Variants in KIAA0319L observed in about 807,000 individuals in gnomAD.
KIAA0319L encodes the protein dyslexia-associated protein KIAA0319-like protein.
A neutral mutation model predicts 120.1 loss-of-function variants in KIAA0319L; 55 were observed. The ratio of observed to expected loss-of-function variants is 0.46; its 90% CI spans 0.37 to 0.57. The LOEUF (loss-of-function observed/expected upper bound fraction) is 0.57. Ranked by LOEUF, KIAA0319L falls within the 20% of genes least tolerant of loss-of-function variation. KIAA0319L has a pLI of 0.00. For synonymous variants in KIAA0319L, 398 were observed against 471.9 expected, an observed-to-expected ratio of 0.84 and a Z score of 2.03; for missense variants, 1,049 against 1,255.3, an observed-to-expected ratio of 0.84 and a Z score of 2.48.
intron 3 of KIAA0319L, among the ~76,000 whole-genome samples, chr1:35,481,895 G>A (rs888438632): frequency 7.2e-6 from 1 of 139,162 alleles, no homozygotes; most frequent in Admixed American, 8.0e-5. Flanking sequence ...CGCGATCTCG[G>A]CTCACTGCAA....
intron 3 of KIAA0319L, among the ~76,000 whole-genome samples, chr1:35,496,634 T>G (rs984168091): frequency 1.3e-5 from 2 of 152,056 alleles, no homozygotes. Flanking sequence ...GAATACTACT[T>G]AGGAATTTTC....
chr1:35,442,427 C>T, intron 18 of KIAA0319L, 91 bp from the exon 19 acceptor site: 1 of 944,986 alleles, frequency 1.1e-6, no homozygotes. Flanking sequence ...TGTGGCTTCA[C>T]TCTGGAGACA....
Position 35,474,877 on chromosome 1 carries a change from C to A in KIAA0319L, c.943G>T (p.Glu315Ter). 1 of 1,608,328 alleles carries A rather than the reference C, an allele frequency of 6.2e-7. No individual in the cohort carries two copies. Among genetic ancestry groups the A allele is most frequent in the Non-Finnish European group, 8.5e-7 (1 of 1,175,326 alleles). Residue 315 changes from glutamate to a stop codon, truncating the protein, a stop_gained, in exon 5 of 21, where the codon GAG (glutamate) becomes TAG (stop). Transcript: ENST00000325722. LOFTEE classifies it high-confidence loss of function. The part of the protein sequence containing the change: ...VIKELVVSAG[E>*]SVQITLPKNE... ...TTAGGCAGGGTTATCTGGACACTCT[C>A]TCCAGCAGATACCACCAGTTCCTTT...
At chr1:35,546,274 G>A (rs560063106) in intron 2 of KIAA0319L, among the ~76,000 whole-genome samples, 7 of 152,352 alleles carry the variant, frequency 4.6e-5, no homozygotes, top group Non-Finnish European at 1.0e-4. Context: ...CATTGGCTAA[G>A]AGGAGGACAA....
intron 3 of KIAA0319L, among the ~76,000 whole-genome samples, chr1:35,495,739 A>T (rs1644778210): frequency 6.6e-6 from 1 of 151,792 alleles, no homozygotes; most frequent in Admixed American, 6.6e-5. Context: ...TGCAGCCTCA[A>T]CCTCCCAGGC....
At chr1:35,457,021 A>T (rs1360141222) in intron 9 of KIAA0319L, among the ~76,000 whole-genome samples, 1 of 152,114 alleles carries the variant, frequency 6.6e-6, no homozygotes, top group African/African-American at 2.4e-5. Flanking sequence ...TGATCCAGGC[A>T]ATATGTCTCC....
At chr1:35,480,041 A>T (rs1644099656) in intron 3 of KIAA0319L, among the ~76,000 whole-genome samples, 1 of 137,388 alleles carries the variant, frequency 7.3e-6, no homozygotes, top group Admixed American at 7.8e-5. Flanking sequence ...TGATTTTTTT[A>T]TTATTATTAT....
chr1:35,520,419 G>T (rs1645865820), intron 2 of KIAA0319L, among the ~76,000 whole-genome samples: 1 of 151,588 alleles, frequency 6.6e-6, no homozygotes, highest in Non-Finnish European at 1.5e-5. Context: ...TTTAAGACAG[G>T]GTCTCATCCT....
chr1:35,447,717 G>A (rs573297072), intron 16 of KIAA0319L, among the ~76,000 whole-genome samples: 16 of 151,982 alleles, frequency 1.1e-4, no homozygotes, highest in African/African-American at 3.1e-4. Context: ...GACTACAGGC[G>A]AACCACACTG....
At chr1:35,491,615 A>T (rs2148353986) in intron 3 of KIAA0319L, among the ~76,000 whole-genome samples, 1 of 152,318 alleles carries the variant, frequency 6.6e-6, no homozygotes, top group Middle Eastern at 3.4e-3. Flanking sequence ...GGAAAATATT[A>T]AATGTAATAT....
Position 35,480,235 on chromosome 1 carries a change from G to A in KIAA0319L, c.667-1023C>T, listed in dbSNP as rs113129049. ...GAGAGGCAAAAGTAATAGAAGATGA[G>A]CTGGAAAGATAGAGGCAAAGACCAG... On this transcript the variant is annotated intron_variant, in intron 3 of 20. Coordinates refer to ENST00000325722, the MANE Select transcript of KIAA0319L (RefSeq NM_024874.5). 1.6e-3 allele frequency among the ~76,000 whole-genome samples: 251 copies of A among 152,242 alleles called. 3 individuals are homozygous for A. Among genetic ancestry groups the A allele is most frequent in the African/African-American group, 5.3e-3 (222 of 41,550 alleles).
chr1:35,478,899 C>T, intron 4 of KIAA0319L, 67 bp downstream of exon 4: 1 of 1,553,926 alleles, frequency 6.4e-7, no homozygotes, highest in Non-Finnish European at 8.8e-7. Flanking sequence ...CTTCTTTCCT[C>T]TAAAAGGGAA....
At chr1:35,507,163 A>G in intron 2 of KIAA0319L, 28 bp from the exon 3 acceptor site, 1 of 1,512,502 alleles carries the variant, frequency 6.6e-7, no homozygotes, top group Non-Finnish European at 8.8e-7. Context: ...AAACATTTTC[A>G]GATGAAATAA....
At chr1:35,556,112 G>A (rs1647986024) in intron 1 of KIAA0319L, among the ~76,000 whole-genome samples, 1 of 152,170 alleles carries the variant, frequency 6.6e-6, no homozygotes, top group African/African-American at 2.4e-5. Flanking sequence ...ACAACCCAGG[G>A]AGAGAACACA....
intron 5 of KIAA0319L, among the ~76,000 whole-genome samples, chr1:35,472,933 C>T (rs548066353): frequency 1.3e-5 from 2 of 148,886 alleles, no homozygotes; most frequent in South Asian, 2.2e-4. Context: ...GGATTACAGG[C>T]GCCCACCATC....
intron 3 of KIAA0319L, among the ~76,000 whole-genome samples, chr1:35,487,155 T>C (rs1431881829): frequency 1.3e-5 from 2 of 152,198 alleles, no homozygotes; most frequent in African/African-American, 2.4e-5. Context: ...TTGGGATTAC[T>C]GGGGGAGGTT....
At chr1:35,480,707 G>A (rs1644128060) in intron 3 of KIAA0319L, among the ~76,000 whole-genome samples, 1 of 152,002 alleles carries the variant, frequency 6.6e-6, no homozygotes, top group African/African-American at 2.4e-5. Context: ...ACTTGAACCC[G>A]AGAGGAGGCG....
intron 1 of KIAA0319L, chr1:35,556,782 G>C (rs10796921): frequency 0.26 from 39,188 of 152,044 alleles, 10,580 homozygotes; most frequent in East Asian, 0.78. Flanking sequence ...TTTCAAAATC[G>C]TGGATGAGGC....
chr1:35,473,172 T>G (rs1643746204), intron 5 of KIAA0319L, among the ~76,000 whole-genome samples: 3 of 146,832 alleles, frequency 2.0e-5, no homozygotes, highest in Admixed American at 1.4e-4. Flanking sequence ...CTTGGCTGAC[T>G]GCAACATCCG....
Sources: gnomAD v4.1 joint callset for allele counts (sites outside exome capture counted in the v4.1 genomes callset) on GRCh38, gnomAD v4.1.1 for gene constraint, MANE v1.5 for transcripts, NCBI Gene and HGNC (gene_info 2026-07-23, HGNC 2026-07-21) for gene names.